Variants in BASP1 observed in about 807,000 individuals in gnomAD.
The protein encoded by BASP1 is brain acid soluble protein 1.
A neutral mutation model predicts 2.2 loss-of-function variants in BASP1; 1 was observed. The ratio of observed to expected loss-of-function variants is 0.46; its 90% CI spans 0.16 to 2.17. BASP1 has a LOEUF of 2.17. Ranked by LOEUF, BASP1 falls within the 30% of genes most tolerant of loss-of-function variation. The pLI, the probability that BASP1 is intolerant of heterozygous loss-of-function variation, is 0.27. For synonymous variants in BASP1, 187 were observed against 154.2 expected, an observed-to-expected ratio of 1.21 and a Z score of -1.58; for missense variants, 352 against 327.2, an observed-to-expected ratio of 1.08 and a Z score of -0.58.
At chr5:17,271,773 A>G (rs1219788264) in intron 1 of BASP1, among the ~76,000 whole-genome samples, 5 of 152,214 alleles carry the variant, frequency 3.3e-5, no homozygotes, top group African/African-American at 1.2e-4. Flanking sequence ...AGTAACAGAA[A>G]TGAATGAAAT....
intron 1 of BASP1, among the ~76,000 whole-genome samples, chr5:17,253,403 G>A (rs1348731329): frequency 6.6e-6 from 1 of 152,084 alleles, no homozygotes; most frequent in African/African-American, 2.4e-5. Context: ...GCAGAGATGG[G>A]GGTCTCACTA....
intron 1 of BASP1, among the ~76,000 whole-genome samples, chr5:17,264,724 A>G (rs983275729): frequency 2.6e-5 from 4 of 152,192 alleles, no homozygotes; most frequent in African/African-American, 9.6e-5. Context: ...ATTGTTGCAT[A>G]TTTATGTTGG....
chr5:17,273,778 C>A (rs1304303110), intron 1 of BASP1, among the ~76,000 whole-genome samples: 1 of 152,202 alleles, frequency 6.6e-6, no homozygotes, highest in African/African-American at 2.4e-5. Context: ...TTCCCCCCTG[C>A]TCTTTCTAAC....
At chr5:17,238,368 C>A (rs1366422943) in intron 1 of BASP1, among the ~76,000 whole-genome samples, 1 of 152,088 alleles carries the variant, frequency 6.6e-6, no homozygotes, top group African/African-American at 2.4e-5. Flanking sequence ...TCCCTCCCCT[C>A]CCTTTCAACT....
At chr5:17,247,838 G>A (rs1049992403) in intron 1 of BASP1, among the ~76,000 whole-genome samples, 1 of 152,220 alleles carries the variant, frequency 6.6e-6, no homozygotes, top group Admixed American at 6.5e-5. Context: ...GAGGATAAAT[G>A]TACTGCAGAG....
intron 1 of BASP1, among the ~76,000 whole-genome samples, chr5:17,242,544 A>G (rs751844749): frequency 1.3e-5 from 2 of 151,986 alleles, no homozygotes; most frequent in Non-Finnish European, 2.9e-5. Flanking sequence ...TTGGTGTTGT[A>G]CCTTCTGTGA....
At chr5:17,269,186 TAGAG>T (rs1411598121) in intron 1 of BASP1, among the ~76,000 whole-genome samples, 1 of 152,210 alleles carries the variant, frequency 6.6e-6, no homozygotes, top group Non-Finnish European at 1.5e-5. Context: ...ATGAAGAAGT[TAGAG>T]AAACTTGTCT....
At chr5:17,246,196 A>G (rs1050030077) in intron 1 of BASP1, among the ~76,000 whole-genome samples, 2 of 151,968 alleles carry the variant, frequency 1.3e-5, no homozygotes, top group African/African-American at 4.8e-5. Flanking sequence ...AAAATAAAAG[A>G]CCTGGCCGGG....
intron 1 of BASP1, among the ~76,000 whole-genome samples, chr5:17,229,243 A>G (rs1029079017): frequency 5.3e-4 from 81 of 152,310 alleles, no homozygotes; most frequent in African/African-American, 1.9e-3. Context: ...TCCCTAGCTA[A>G]TTACACAGTT....
At position 17,247,043 on chromosome 5, in the gene BASP1, T is replaced by C. The variant is rs147539476; in HGVS notation, c.-9-28165T>C. On this transcript the variant is annotated intron_variant, in intron 1 of 1. Coordinates refer to ENST00000322611, the MANE Select transcript of BASP1 (RefSeq NM_006317.5). ...GTCTACAAAAAATACAAAAAATAGC[T>C]GGGCATGGTGGTGCACCTGTAGTCC... is the stretch of plus-strand genomic sequence containing the variant. 3.1e-3 allele frequency among the ~76,000 whole-genome samples: 475 copies of C among 152,184 alleles called. 4 individuals carry two copies. Among genetic ancestry groups the C allele is most frequent in the African/African-American group, 0.011 (454 of 41,534 alleles).
intron 1 of BASP1, among the ~76,000 whole-genome samples, chr5:17,248,475 G>C (rs1740038236): frequency 6.6e-6 from 1 of 152,140 alleles, no homozygotes; most frequent in Admixed American, 6.6e-5. Flanking sequence ...CTTTAGAGAG[G>C]CTACTGCTGC....
chr5:17,239,287 G>A (rs1739811334), intron 1 of BASP1, among the ~76,000 whole-genome samples: 1 of 152,000 alleles, frequency 6.6e-6, no homozygotes, highest in South Asian at 2.1e-4. Context: ...TAGAGACGGG[G>A]TTTCACCATG....
intron 1 of BASP1, among the ~76,000 whole-genome samples, chr5:17,264,316 T>C (rs1740374413): frequency 6.6e-6 from 1 of 152,242 alleles, no homozygotes; most frequent in African/African-American, 2.4e-5. Context: ...CAACATTTGC[T>C]TCAGGTAGGT....
chr5:17,219,188 C>A (rs926964287), intron 1 of BASP1, among the ~76,000 whole-genome samples: 2 of 149,840 alleles, frequency 1.3e-5, no homozygotes, highest in African/African-American at 2.5e-5. Flanking sequence ...ACTGTAATTA[C>A]CTATTCCTTT....
rs757426167 is a variant in BASP1 at position 17,275,926 on chromosome 5, T to C, written c.*26T>C. The C allele has an allele frequency of 2.2e-5, 33 of 1,516,364 alleles. No individual in the cohort carries two copies. The highest frequency in any genetic ancestry group is 2.0e-4 in the Middle Eastern group (1 of 5,026). 93.9% of individuals were successfully genotyped at this position (1,516,364 alleles called of 1,614,324 possible). On this transcript the variant is annotated 3_prime_UTR_variant, in exon 2 of 2. Transcript: ENST00000322611. The surrounding 1 kb of genome is among the most constrained non-coding windows in gnomAD (Gnocchi z 5.3). ...CAAGGACAGCCTATAGGAAAAACAA[T>C]ACCACTTAAAACAATCTCCTCTCTC...
Position 17,238,741 on chromosome 5 carries a change from T to TA in BASP1, c.-10+20932dup, listed in dbSNP as rs1356077397. Among the ~76,000 whole-genome samples, 11 of 152,234 alleles carry TA rather than the reference T, an allele frequency of 7.2e-5. No homozygotes were observed. In the East Asian group the frequency reaches 1.9e-3, roughly 27 times the overall value. ...AATATCTGATGTATGGCATCAATTA[T>TA]ATGACTATTTAAACATGACTCATAG... On this transcript the variant is annotated intron_variant, in intron 1 of 1. Coordinates refer to ENST00000322611, the MANE Select transcript of BASP1 (RefSeq NM_006317.5).
At position 17,275,175 on chromosome 5, in the gene BASP1, C is replaced by A. The variant is rs750996170; in HGVS notation, c.-9-33C>A. On this transcript the variant is annotated intron_variant, in intron 1 of 1. Transcript: ENST00000322611. This position sits in a 1 kb window ranked among gnomAD's most constrained non-coding sequence, Gnocchi z 5.3. ...GTGGTCCCCACACTTGCCTAGTAAC[C>A]GCCGTTTTGTTTTGTTTTGTGTTTG... 8.6e-5 allele frequency: 138 copies of A among 1,604,478 alleles called. No individual in the cohort carries two copies. The highest frequency in any genetic ancestry group is 1.1e-4 in the Non-Finnish European group (134 of 1,174,468).
At chr5:17,274,560 G>A (rs77041737) in intron 1 of BASP1, among the ~76,000 whole-genome samples, 2,031 of 152,270 alleles carry the variant, frequency 0.013, 50 homozygotes, top group African/African-American at 0.046. Context: ...CTGCCATGCT[G>A]CACATGCCTG....
chr5:17,246,962 G>A (rs1044118356), intron 1 of BASP1, among the ~76,000 whole-genome samples: 4 of 152,148 alleles, frequency 2.6e-5, no homozygotes, highest in African/African-American at 7.2e-5. Flanking sequence ...TGAGGCCAGC[G>A]GATTGCCTGA....
Sources: gnomAD v4.1 joint callset for allele counts (sites outside exome capture counted in the v4.1 genomes callset) on GRCh38, gnomAD v4.1.1 for gene constraint, Gnocchi (gnomAD v3.1) non-coding constraint, MANE v1.5 for transcripts, NCBI Gene and HGNC (gene_info 2026-07-23, HGNC 2026-07-21) for gene names.